Variants in NSMCE2 observed in about 807,000 individuals in gnomAD.
NSMCE2 encodes the protein NSE2 SUMO ligase component of SMC5/6 complex, also known as E3 SUMO-protein ligase NSE2.
A neutral mutation model predicts 23.8 loss-of-function variants in NSMCE2; 24 were observed. That is an observed-to-expected ratio of 1.01 (90% confidence interval 0.73 to 1.42). NSMCE2 has a LOEUF of 1.42. Ranked by LOEUF, NSMCE2 falls within the 40% of genes most tolerant of loss-of-function variation. The pLI, the probability that NSMCE2 is intolerant of heterozygous loss-of-function variation, is 0.00. For missense variants in NSMCE2, 284 were observed against 296.5 expected (o/e 0.96, Z 0.31); for synonymous variants, 92 against 94.1 (o/e 0.98, Z 0.13).
At chr8:125,147,765 C>G (rs989305257) in intron 3 of NSMCE2, among the ~76,000 whole-genome samples, 3 of 152,310 alleles carry the variant, frequency 2.0e-5, no homozygotes, top group East Asian at 3.9e-4. Context: ...GTCAGTAACT[C>G]TGTGTTTCTG....
chr8:125,141,324 A>C (rs889784198), intron 3 of NSMCE2, among the ~76,000 whole-genome samples: 4 of 152,130 alleles, frequency 2.6e-5, no homozygotes, highest in African/African-American at 9.7e-5. Flanking sequence ...TTAGTACAGA[A>C]CAGATTATTC....
chr8:125,148,586 G>A (rs1820812690), intron 3 of NSMCE2, among the ~76,000 whole-genome samples: 1 of 152,054 alleles, frequency 6.6e-6, no homozygotes, highest in Non-Finnish European at 1.5e-5. Flanking sequence ...TTTGGTTTTG[G>A]GGTACCCCTA....
chr8:125,314,594 CT>C (rs1397801538), intron 5 of NSMCE2, among the ~76,000 whole-genome samples: 1 of 152,176 alleles, frequency 6.6e-6, no homozygotes, highest in Non-Finnish European at 1.5e-5. Context: ...TTGGCCGAGC[CT>C]TGCATTTTTA....
At chr8:125,312,753 C>G (rs1422600001) in intron 5 of NSMCE2, among the ~76,000 whole-genome samples, 1 of 152,150 alleles carries the variant, frequency 6.6e-6, no homozygotes, top group African/African-American at 2.4e-5. Context: ...GTTTCAAGTG[C>G]AAGGGCCTTG....
chr8:125,316,552 G>A (rs1196407813), intron 5 of NSMCE2, among the ~76,000 whole-genome samples: 1 of 152,222 alleles, frequency 6.6e-6, no homozygotes, highest in Non-Finnish European at 1.5e-5. Flanking sequence ...TTGTCTGTCT[G>A]TCTTTCTTTC....
At chr8:125,274,886 C>T (rs539634472) in intron 5 of NSMCE2, among the ~76,000 whole-genome samples, 36 of 148,272 alleles carry the variant, frequency 2.4e-4, no homozygotes, top group South Asian at 4.3e-4. Context: ...GCCAAGATCG[C>T]GCCATTGCAC....
chr8:125,149,745 A>G (rs1177403964), intron 3 of NSMCE2, among the ~76,000 whole-genome samples: 1 of 152,218 alleles, frequency 6.6e-6, no homozygotes, highest in Non-Finnish European at 1.5e-5. Flanking sequence ...TATTCTGACT[A>G]ATATAAATAG....
At chr8:125,214,258 G>C (rs1001344603) in intron 5 of NSMCE2, among the ~76,000 whole-genome samples, 2 of 152,162 alleles carry the variant, frequency 1.3e-5, no homozygotes, top group Non-Finnish European at 2.9e-5. Flanking sequence ...TCGTTGGAAG[G>C]CAGAATATAC....
At chr8:125,143,999 G>A (rs1162824158) in intron 3 of NSMCE2, among the ~76,000 whole-genome samples, 1 of 152,188 alleles carries the variant, frequency 6.6e-6, no homozygotes, top group Non-Finnish European at 1.5e-5. Context: ...ATCTGGTAGT[G>A]TAATGAAGTA....
intron 1 of NSMCE2, among the ~76,000 whole-genome samples, chr8:125,099,731 G>A (rs778854706): frequency 6.6e-6 from 1 of 152,116 alleles, no homozygotes; most frequent in Non-Finnish European, 1.5e-5. Context: ...GAACCCTAGT[G>A]GGGGTGGGTT....
chr8:125,360,289 C>A (rs1813475202), intron 7 of NSMCE2, among the ~76,000 whole-genome samples: 1 of 152,138 alleles, frequency 6.6e-6, no homozygotes, highest in Admixed American at 6.5e-5. Context: ...GGGGAGGACT[C>A]AGAACTATCG....
chr8:125,280,990 G>A (rs1242751754), intron 5 of NSMCE2, among the ~76,000 whole-genome samples: 1 of 152,184 alleles, frequency 6.6e-6, no homozygotes, highest in Admixed American at 6.5e-5. Flanking sequence ...GACCACAGAG[G>A]TTTTCAGGAA....
At chr8:125,251,827 G>A (rs893990368) in intron 5 of NSMCE2, among the ~76,000 whole-genome samples, 1 of 152,208 alleles carries the variant, frequency 6.6e-6, no homozygotes, top group Non-Finnish European at 1.5e-5. Context: ...CTAAATGTCA[G>A]AGCTGGGATT....
intron 5 of NSMCE2, among the ~76,000 whole-genome samples, chr8:125,246,887 C>CT (rs551934843): frequency 1.1e-4 from 16 of 151,996 alleles, no homozygotes; most frequent in African/African-American, 1.7e-4. Flanking sequence ...TTACCATTTT[C>CT]TTTTTTTTCT....
At chr8:125,277,731 G>T (rs993403886) in intron 5 of NSMCE2, among the ~76,000 whole-genome samples, 2 of 152,082 alleles carry the variant, frequency 1.3e-5, no homozygotes, top group South Asian at 4.1e-4. Flanking sequence ...AGCCAGGATG[G>T]TCTCGATCTC....
intron 5 of NSMCE2, among the ~76,000 whole-genome samples, chr8:125,326,849 A>G (rs11997581): frequency 0.44 from 66,515 of 151,240 alleles, 16,870 homozygotes; most frequent in East Asian, 0.55. Flanking sequence ...CCAACTACTC[A>G]GGAGACTGAG....
rs138019153 is a variant in NSMCE2, at chr8:125,137,408, A to G, written c.158-13763A>G. Among the ~76,000 whole-genome samples, 1,183 of 152,272 alleles carry G rather than the reference A, an allele frequency of 7.8e-3. 9 individuals carry two copies. Among genetic ancestry groups the G allele is most frequent in the Non-Finnish European group, 0.013 (895 of 68,000 alleles). The stretch of plus-strand genomic sequence containing the variant: ...TTTAAAGGAGGCTGACCCTATTCGT[A>G]TCTTTTTCTTGGTATAAATGTGTTT... On this transcript the variant is annotated intron_variant, in intron 3 of 7. Transcript: ENST00000287437.
At chr8:125,168,544 G>A (rs1431940178) in intron 4 of NSMCE2, among the ~76,000 whole-genome samples, 1 of 152,192 alleles carries the variant, frequency 6.6e-6, no homozygotes, top group Non-Finnish European at 1.5e-5. Flanking sequence ...AGCATCTGGT[G>A]AGGGCCTAGT....
In NSMCE2 at chr8:125,247,262, G is replaced by C. The variant is rs571997784; in HGVS notation, c.418+65006G>C. Among the ~76,000 whole-genome samples, 3 of 152,144 alleles carry C rather than the reference G, an allele frequency of 2.0e-5. No homozygotes were observed. In the East Asian group the frequency reaches 5.8e-4, roughly 29 times the overall value. ...GTGGGAAGATTACCTGAGCCCAGGA[G>C]GTCAAGGCTGCAGTGAGCCGTGTTC... On this transcript the variant is annotated intron_variant, in intron 5 of 7. Transcript: ENST00000287437.
Sources: gnomAD v4.1 joint callset for allele counts (sites outside exome capture counted in the v4.1 genomes callset) on GRCh38, gnomAD v4.1.1 for gene constraint, MANE v1.5 for transcripts, NCBI Gene and HGNC (gene_info 2026-07-23, HGNC 2026-07-21) for gene names.